FNIP2: variants seen among roughly 807,000 people sequenced by gnomAD.
The protein encoded by FNIP2 is folliculin-interacting protein 2.
FNIP2 carries 32 observed loss-of-function variants against 108.7 expected under a neutral mutation model. That is an observed-to-expected ratio of 0.29 (90% CI 0.22 to 0.40). The LOEUF (loss-of-function observed/expected upper bound fraction) is 0.40. Ranked by LOEUF, FNIP2 falls within the 10% of genes least tolerant of loss-of-function variation. The pLI, the probability that FNIP2 is intolerant of heterozygous loss-of-function variation, is 1.00. For missense variants in FNIP2, 1,202 were observed against 1,381.6 expected, an observed-to-expected ratio of 0.87 and a Z score of 2.06; for synonymous variants, 480 against 496.7, an observed-to-expected ratio of 0.97 and a Z score of 0.45.
chr4:158,831,879 G>A lies in FNIP2; in HGVS notation c.400G>A (p.Asp134Asn), dbSNP rs762563686. Residue 134 changes from aspartate (D) to asparagine (N), a missense_variant, in exon 4 of 17, where the codon GAT becomes AAT. Physicochemically the swap from Asp to Asn is conservative, Grantham distance 23. Coordinates refer to ENST00000264433, the MANE Select transcript of FNIP2 (RefSeq NM_020840.3). ...CATGTAGTACACAAGACCAGCTTCC[G>A]ATGTCAACATGTTAGGGGAAATGAT... ...PKYQYTRPASDVNMLGEMMFG... is the reference protein window; with the variant it reads ...PKYQYTRPASNVNMLGEMMFG... 1 of 1,611,380 alleles carries A rather than the reference G, an allele frequency of 6.2e-7. No homozygotes were observed. The highest frequency in any genetic ancestry group is 8.5e-7 in the Non-Finnish European group (1 of 1,178,656).
At chr4:158,791,049 T>A (rs967494012) in intron 1 of FNIP2, among the ~76,000 whole-genome samples, 2 of 152,028 alleles carry the variant, frequency 1.3e-5, no homozygotes, top group Admixed American at 1.3e-4. Context: ...AAACCTAACC[T>A]AATTTAATGG....
intron 5 of FNIP2, 111 bp downstream of exon 5, chr4:158,832,249 C>T: frequency 1.2e-6 from 1 of 811,110 alleles, no homozygotes; most frequent in Non-Finnish European, 1.9e-6. Context: ...CAGAATGAGT[C>T]CAAATTAACA....
At chr4:158,851,220 G>T in intron 7 of FNIP2, 101 bp from the exon 8 acceptor site, 2 of 1,341,524 alleles carry the variant, frequency 1.5e-6, no homozygotes, top group Non-Finnish European at 2.1e-6. Flanking sequence ...CATAATAAAT[G>T]TAGAGTTCAG....
chr4:158,904,039 T>C (rs4690913), intron 16 of FNIP2, among the ~76,000 whole-genome samples: 152,366 of 152,368 alleles, frequency 1, 76,182 homozygotes, highest in Middle Eastern at 1. Context: ...GCTACCATCA[T>C]CGTTTTTCTA....
At chr4:158,874,408 G>A (rs972279242) in intron 14 of FNIP2, among the ~76,000 whole-genome samples, 3 of 149,096 alleles carry the variant, frequency 2.0e-5, no homozygotes, top group Non-Finnish European at 4.4e-5. Context: ...TGGGCCAAAT[G>A]TGATAGCTCA....
In FNIP2 at chr4:158,868,677, G is replaced by A. The variant is rs1408882575; in HGVS notation, c.2041G>A (p.Ala681Thr). 3.7e-6 allele frequency: 6 copies of A among 1,613,918 alleles called. No homozygotes were observed. The highest frequency in any genetic ancestry group is 5.1e-6 in the Non-Finnish European group (6 of 1,179,908). ...GGCAGGAATGAAGATGGACCAGCAA[G>A]CTGTCTGTGAGCTGTTGAAAGTGGA... ...LGAGMKMDQQ[A>T]VCELLKVEMP... Residue 681 changes from alanine to threonine, a missense_variant, in exon 13 of 17, where the codon GCT (alanine) becomes ACT (threonine). Coordinates refer to ENST00000264433, the MANE Select transcript of FNIP2 (RefSeq NM_020840.3). This position sits in a 1 kb window ranked among gnomAD's most constrained non-coding sequence, Gnocchi z 4.6.
chr4:158,876,119 A>C (rs554937693), intron 14 of FNIP2, among the ~76,000 whole-genome samples: 1 of 152,336 alleles, frequency 6.6e-6, no homozygotes, highest in South Asian at 2.1e-4. Context: ...GTGGTTAAAA[A>C]AAATACTGAT....
At chr4:158,830,012 G>A (rs1316167992) in intron 3 of FNIP2, among the ~76,000 whole-genome samples, 1 of 152,100 alleles carries the variant, frequency 6.6e-6, no homozygotes, top group Non-Finnish European at 1.5e-5. Context: ...GGGTCTCACA[G>A]CAGTCTGCAG....
chr4:158,773,553 A>T (rs576788678), intron 1 of FNIP2, among the ~76,000 whole-genome samples: 1 of 152,382 alleles, frequency 6.6e-6, no homozygotes, highest in South Asian at 2.1e-4. Context: ...TTTGAAAAGA[A>T]TAACATGCAA....
intron 16 of FNIP2, among the ~76,000 whole-genome samples, chr4:158,898,980 T>G (rs1305453628): frequency 6.6e-6 from 1 of 152,226 alleles, no homozygotes; most frequent in East Asian, 1.9e-4. Context: ...GCTGTGGGTT[T>G]GTCAGAAATA....
Position 158,769,108 on chromosome 4 carries a change from C to T in FNIP2, c.-105C>T. On this transcript the variant is annotated 5_prime_UTR_variant, in exon 1 of 17. Transcript: ENST00000264433. ...GGCCCCGCGCTCCCGCAAGGCTGGG[C>T]GGCCGCGCCGCCGCGATGGCCCCGC... The T allele has an allele frequency of 3.3e-6, 1 of 300,420 alleles. No individual in the cohort carries two copies. Among genetic ancestry groups the T allele is most frequent in the Non-Finnish European group, 4.8e-6 (1 of 206,492 alleles). 18.6% of individuals were successfully genotyped at this position (300,420 alleles called of 1,614,324 possible).
At position 158,859,574 on chromosome 4, in the gene FNIP2, A is replaced by G; in HGVS notation, c.1060-4A>G. 1 of 1,611,150 alleles carries G rather than the reference A, an allele frequency of 6.2e-7. No homozygotes were observed. The highest frequency in any genetic ancestry group is 8.5e-7 in the Non-Finnish European group (1 of 1,178,194). On this transcript the variant is annotated splice_region_variant and splice_polypyrimidine_tract_variant and intron_variant, in intron 9 of 16. Transcript: ENST00000264433. ...TAATTTGACTTGCTTTCTCTTCAAT[A>G]AAGGCTATGATCTCCTGTAGGAAAA...
intron 1 of FNIP2, among the ~76,000 whole-genome samples, chr4:158,820,301 G>A (rs1378057222): frequency 1.3e-5 from 2 of 152,166 alleles, no homozygotes; most frequent in East Asian, 3.8e-4. Context: ...GGATACCCAT[G>A]ACCACTTCTA....
At chr4:158,829,048 T>A in intron 2 of FNIP2, 31 bp from the exon 3 acceptor site, 1 of 1,546,726 alleles carries the variant, frequency 6.5e-7, no homozygotes, top group Non-Finnish European at 8.8e-7. Flanking sequence ...TACTTAGTAA[T>A]CTTTTACCTT....
At chr4:158,882,009 TGTCTCTGCCCA>T (rs1461005090) in intron 14 of FNIP2, among the ~76,000 whole-genome samples, 3 of 141,174 alleles carry the variant, frequency 2.1e-5, no homozygotes, top group East Asian at 2.1e-4. Context: ...AAGTGAGGAG[TGTCTCTGCCCA>T]GTCTCTGCCC....
chr4:158,770,663 G>T (rs886285992), intron 1 of FNIP2, among the ~76,000 whole-genome samples: 23 of 152,112 alleles, frequency 1.5e-4, no homozygotes, highest in African/African-American at 5.6e-4. Flanking sequence ...TAATTTGAGT[G>T]GGAATTCTAT....
chr4:158,824,241 G>T (rs1341926571), intron 1 of FNIP2, among the ~76,000 whole-genome samples: 1 of 152,220 alleles, frequency 6.6e-6, no homozygotes, highest in Non-Finnish European at 1.5e-5. Flanking sequence ...CGCTTTGTAG[G>T]ACAGCTTTGT....
chr4:158,806,809 G>A lies in FNIP2; in HGVS notation c.108-19107G>A, dbSNP rs142973858. ...TAGTAGATGGGGCTCAGGCCTGGGC[G>A]TTTTCACTTCATAGTCTGCGTGGCA... On this transcript the variant is annotated intron_variant, in intron 1 of 16. Coordinates refer to ENST00000264433, the MANE Select transcript of FNIP2 (RefSeq NM_020840.3). Among the ~76,000 whole-genome samples the A allele has an allele frequency of 7.5e-3, 1,144 of 152,294 alleles. 4 individuals carry two copies. Among genetic ancestry groups the A allele is most frequent in the Non-Finnish European group, 0.011 (775 of 68,010 alleles).
At chr4:158,873,450 G>A (rs1781078767) in intron 14 of FNIP2, among the ~76,000 whole-genome samples, 1 of 152,090 alleles carries the variant, frequency 6.6e-6, no homozygotes, top group Non-Finnish European at 1.5e-5. Flanking sequence ...GGGCTCATGT[G>A]ATCCTGCCTC....
Sources: allele counts gnomAD v4.1 joint callset (sites outside exome capture counted in the v4.1 genomes callset), GRCh38; gene constraint gnomAD v4.1.1; non-coding constraint Gnocchi (gnomAD v3.1); transcripts MANE v1.5; gene names NCBI Gene and HGNC (gene_info 2026-07-23, HGNC 2026-07-21).